Variants in APBA1 observed in about 807,000 individuals in gnomAD.
APBA1 encodes amyloid beta precursor protein binding family A member 1, also known as amyloid-beta A4 precursor protein-binding family A member 1.
Under a neutral mutation model 86.6 loss-of-function variants are expected in APBA1, and 55 were observed. The observed-to-expected ratio is 0.64, with a 90% CI of 0.51 to 0.80. The LOEUF (loss-of-function observed/expected upper bound fraction) is 0.80. APBA1 is among the 30% of genes least tolerant of loss of function. The probability of loss-of-function intolerance (pLI) is 0.00; values close to 1 mark genes in which losing one functional copy is unlikely to be tolerated. For missense variants in APBA1, 1,090 were observed against 1,183.0 expected, an observed-to-expected ratio of 0.92 and a Z score of 1.15; for synonymous variants, 511 against 493.9, an observed-to-expected ratio of 1.03 and a Z score of -0.46.
At chr9:69,595,695 C>A (rs544620036) in intron 1 of APBA1, among the ~76,000 whole-genome samples, 27 of 152,254 alleles carry the variant, frequency 1.8e-4, no homozygotes, top group Admixed American at 1.4e-3. Context: ...AGGCTAAATA[C>A]CCTGGATCTC....
rs993853721 is a variant in APBA1, at chr9:69,517,298, G to C, written c.-69-19C>G. ...CACTGGGCTGGAAAAACAAGAAGGG[G>C]AGAGGCTGTCACGTGGTGCAAACAG... is the stretch of plus-strand genomic sequence containing the variant. On this transcript the variant is annotated intron_variant, in intron 1 of 12. Coordinates refer to ENST00000265381, the MANE Select transcript of APBA1 (RefSeq NM_001163.4). 5.7e-6 allele frequency: 8 copies of C among 1,400,766 alleles called. No individual in the cohort carries two copies. The highest frequency in any genetic ancestry group is 1.5e-5 in the African/African-American group (1 of 66,566). 86.8% of individuals were successfully genotyped at this position (1,400,766 alleles called of 1,614,324 possible). A position where few individuals can be genotyped will look rare whatever the true frequency, so the allele number is the denominator to read the frequency against.
At chr9:69,471,250 G>T (rs1363328694) in intron 4 of APBA1, among the ~76,000 whole-genome samples, 1 of 152,128 alleles carries the variant, frequency 6.6e-6, no homozygotes, top group Non-Finnish European at 1.5e-5. Context: ...TTGCTGGGAA[G>T]GTTTTTCTTA....
rs1491571039 is a variant in APBA1, at chr9:69,658,281, T to TC, written c.-70+13871_-70+13872insG. On this transcript the variant is annotated intron_variant, in intron 1 of 12. Coordinates refer to ENST00000265381, the MANE Select transcript of APBA1 (RefSeq NM_001163.4). ...CTTTCTTTCTTTCTTTCTTTCTTTC[T>TC]TTCTCTCTCTCTTTCTCTCTCTCTC... Among the ~76,000 whole-genome samples the TC allele has an allele frequency of 1.9e-3, 100 of 52,886 alleles. 4 individuals are homozygous for TC. Among genetic ancestry groups the TC allele is most frequent in the African/African-American group, 4.0e-3 (48 of 12,130 alleles). 34.7% of individuals were successfully genotyped at this position (52,886 alleles called of 152,430 possible). A position where few individuals can be genotyped will look rare whatever the true frequency, so the allele number is the denominator to read the frequency against.
intron 1 of APBA1, among the ~76,000 whole-genome samples, chr9:69,518,437 G>A (rs1446249313): frequency 6.6e-6 from 1 of 152,122 alleles, no homozygotes; most frequent in African/African-American, 2.4e-5. Flanking sequence ...TGGATAACAG[G>A]TGTAATTTTT....
intron 1 of APBA1, among the ~76,000 whole-genome samples, chr9:69,566,744 G>A (rs1039676231): frequency 2.6e-5 from 4 of 151,998 alleles, no homozygotes; most frequent in Admixed American, 1.3e-4. Context: ...CACTGTCCCC[G>A]AGGCGTCTTC....
Position 69,517,136 on chromosome 9 carries a change from C to T in APBA1, c.75G>A (p.Val25=). 6.4e-7 allele frequency: 1 copy of T among 1,568,922 alleles called. No homozygotes were observed. Among genetic ancestry groups the T allele is most frequent in the Non-Finnish European group, 8.6e-7 (1 of 1,158,786 alleles). ...EAAGGEVNES[V]EADLEHPEVE... ...CCTCGGGGTGCTCCAGGTCGGCCTC[C>T]ACCGACTCGTTCACCTCCCCACCTG... Residue 25 remains valine, a synonymous_variant, in exon 2 of 13, where the codon GTG becomes GTA. Transcript: ENST00000265381.
At chr9:69,592,416 T>A (rs1822148203) in intron 1 of APBA1, among the ~76,000 whole-genome samples, 1 of 152,080 alleles carries the variant, frequency 6.6e-6, no homozygotes, top group South Asian at 2.1e-4. Flanking sequence ...GGTAACATAG[T>A]GAGGCGCTGT....
intron 1 of APBA1, among the ~76,000 whole-genome samples, chr9:69,658,335 TTTC>T (rs1823678674): frequency 6.8e-6 from 1 of 147,002 alleles, no homozygotes; most frequent in Non-Finnish European, 1.5e-5. Flanking sequence ...TCTTTCTTTC[TTTC>T]TTTCTTTCTT....
At chr9:69,512,254 G>A (rs1332716921) in intron 2 of APBA1, among the ~76,000 whole-genome samples, 1 of 152,012 alleles carries the variant, frequency 6.6e-6, no homozygotes, top group Non-Finnish European at 1.5e-5. Context: ...TTAGAACACA[G>A]TTATTTTCTC....
At chr9:69,450,056 G>GTTTTTTT (rs58417611) in intron 9 of APBA1, among the ~76,000 whole-genome samples, 40 of 94,150 alleles carry the variant, frequency 4.2e-4, no homozygotes, top group African/African-American at 1.6e-3. Flanking sequence ...AGGACCACCA[G>GTTTTTTT]TTTTTTTTTT....
At chr9:69,626,911 A>AC (rs535689815) in intron 1 of APBA1, among the ~76,000 whole-genome samples, 2 of 152,002 alleles carry the variant, frequency 1.3e-5, no homozygotes, top group Non-Finnish European at 2.9e-5. Context: ...AGAAAAAAAA[A>AC]AAAAACTTGG....
chr9:69,491,354 G>A (rs1835707117), intron 2 of APBA1, among the ~76,000 whole-genome samples: 1 of 151,648 alleles, frequency 6.6e-6, no homozygotes, highest in South Asian at 2.1e-4. Context: ...CTATGGCAAG[G>A]ACAAAAAACC....
intron 1 of APBA1, among the ~76,000 whole-genome samples, chr9:69,667,162 A>C (rs1823856358): frequency 6.6e-6 from 1 of 152,238 alleles, no homozygotes; most frequent in African/African-American, 2.4e-5. Context: ...TATTTACAGG[A>C]AATACAAGTG....
At chr9:69,506,218 G>A (rs1835961512) in intron 2 of APBA1, among the ~76,000 whole-genome samples, 1 of 151,820 alleles carries the variant, frequency 6.6e-6, no homozygotes, top group African/African-American at 2.4e-5. Context: ...CGCGCACCGT[G>A]CGCGAGCCAA....
At chr9:69,546,266 C>T (rs1302562873) in intron 1 of APBA1, among the ~76,000 whole-genome samples, 1 of 152,212 alleles carries the variant, frequency 6.6e-6, no homozygotes, top group Non-Finnish European at 1.5e-5. Flanking sequence ...AGAGCATTCA[C>T]AACAGTAGCA....
intron 2 of APBA1, among the ~76,000 whole-genome samples, chr9:69,488,137 A>T (rs1835641550): frequency 6.6e-6 from 1 of 152,028 alleles, no homozygotes; most frequent in African/African-American, 2.4e-5. Context: ...GAGTGGTAAC[A>T]TTAGAGGTGC....
chr9:69,519,980 A>G (rs769342274), intron 1 of APBA1, among the ~76,000 whole-genome samples: 4 of 152,216 alleles, frequency 2.6e-5, no homozygotes, highest in Non-Finnish European at 5.9e-5. Flanking sequence ...TTGGTACAAT[A>G]GATCTTTTTG....
chr9:69,609,733 C>T (rs1201664263), intron 1 of APBA1, among the ~76,000 whole-genome samples: 3 of 152,160 alleles, frequency 2.0e-5, no homozygotes, highest in Non-Finnish European at 2.9e-5. Flanking sequence ...TTCTGTGAGT[C>T]ACCTTTTCTG....
intron 1 of APBA1, among the ~76,000 whole-genome samples, chr9:69,557,075 TAGG>T (rs1046487902): frequency 1.3e-5 from 2 of 152,136 alleles, no homozygotes; most frequent in Non-Finnish European, 2.9e-5. Context: ...ATGAACAAAT[TAGG>T]AGGCTATACA....
Sources: gnomAD v4.1 joint callset for allele counts (sites outside exome capture counted in the v4.1 genomes callset) on GRCh38, gnomAD v4.1.1 for gene constraint, MANE v1.5 for transcripts, NCBI Gene and HGNC (gene_info 2026-07-23, HGNC 2026-07-21) for gene names.